Variants in PCDHA8 observed in about 807,000 individuals in gnomAD.
PCDHA8 encodes protocadherin alpha 8.
A neutral mutation model predicts 61.8 loss-of-function variants in PCDHA8; 53 were observed. The observed-to-expected ratio is 0.86, with a 90% CI of 0.69 to 1.08. PCDHA8 has a LOEUF of 1.08. Ranked by LOEUF, PCDHA8 falls within the 50% of genes least tolerant of loss-of-function variation. PCDHA8 has a pLI of 0.00. For missense variants in PCDHA8, 1,293 were observed against 1,245.0 expected, an observed-to-expected ratio of 1.04 and a Z score of -0.58; for synonymous variants, 618 against 556.6, an observed-to-expected ratio of 1.11 and a Z score of -1.55.
At chr5:140,854,039 C>G (rs1301679696) in intron 1 of PCDHA8, 1 of 287,104 alleles carries the variant, frequency 3.5e-6, no homozygotes, top group Admixed American at 6.8e-5. Context: ...GCACACATCT[C>G]TAGTCCCAAT....
At chr5:140,967,976 C>G in intron 1 of PCDHA8, 14 of 1,614,222 alleles carry the variant, frequency 8.7e-6, no homozygotes, top group Non-Finnish European at 1.2e-5. Context: ...GAGCCTGGGT[C>G]TGGAGGCCAC....
At chr5:140,929,362 G>A (rs781830495) in intron 1 of PCDHA8, 13 of 1,520,234 alleles carry the variant, frequency 8.6e-6, no homozygotes, top group Middle Eastern at 1.8e-4. Flanking sequence ...CCTTTGGCCC[G>A]GAGATGGCTG....
chr5:140,850,473 A>T lies in PCDHA8; in HGVS notation c.2394+6758A>T, dbSNP rs1320071862. 8.8e-6 allele frequency: 14 copies of T among 1,597,572 alleles called. 1 individual carries two copies. The highest frequency in any genetic ancestry group is 1.2e-5 in the Non-Finnish European group (14 of 1,167,568). On this transcript the variant is annotated intron_variant, in intron 1 of 3. Transcript: ENST00000531613. ...GAAAGACCACGGGGAGCCAGCGCTGACGGCCACGGCCACTGTGCTGGTGTC... is the reference window on the plus strand; with the variant it reads ...GAAAGACCACGGGGAGCCAGCGCTGTCGGCCACGGCCACTGTGCTGGTGTC...
intron 1 of PCDHA8, among the ~76,000 whole-genome samples, chr5:140,951,495 G>A (rs1554219919): frequency 1.3e-5 from 2 of 151,958 alleles, no homozygotes; most frequent in African/African-American, 4.8e-5. Context: ...ATGGTGGAAG[G>A]CAAAAGGAAA....
intron 1 of PCDHA8, among the ~76,000 whole-genome samples, chr5:140,973,323 A>G (rs1331752602): frequency 1.3e-5 from 2 of 152,160 alleles, no homozygotes; most frequent in African/African-American, 4.8e-5. Flanking sequence ...AACAGAGTTT[A>G]CACTCGTTGT....
At chr5:140,843,775 A>T (rs2150366589) in intron 1 of PCDHA8, 60 bp downstream of exon 1, 2 of 1,450,698 alleles carry the variant, frequency 1.4e-6, no homozygotes, top group East Asian at 4.6e-5. Context: ...AGTTACTTTA[A>T]AAGTGTTTCA....
chr5:140,978,829 T>A (rs2096825254), intron 1 of PCDHA8, 120 bp from the exon 2 acceptor site: 2 of 1,533,852 alleles, frequency 1.3e-6, no homozygotes, highest in Admixed American at 2.0e-5. Flanking sequence ...ATGAAATGGC[T>A]CATTCAATAC....
In PCDHA8 at chr5:140,876,882, G is replaced by A. The variant is rs377092859; in HGVS notation, c.2394+33167G>A. The A allele has an allele frequency of 3.2e-5, 52 of 1,614,140 alleles. 1 individual carries two copies. The African/African-American group carries it at 4.3e-4, about 13-fold the overall frequency. On this transcript the variant is annotated intron_variant, in intron 1 of 3. Transcript: ENST00000531613. ...TGTTCGTGAAGGAGAACAACCCGCC[G>A]GGCTGCCACATCTTCACGGTGTCGG...
intron 1 of PCDHA8, among the ~76,000 whole-genome samples, chr5:140,907,480 C>A (rs1300090409): frequency 6.6e-6 from 1 of 152,212 alleles, no homozygotes; most frequent in Admixed American, 6.5e-5. Flanking sequence ...GCAGGATAGG[C>A]AAACCCATAT....
intron 3 of PCDHA8, among the ~76,000 whole-genome samples, chr5:140,996,991 T>C (rs191353108): frequency 1.6e-4 from 25 of 152,346 alleles, no homozygotes; most frequent in African/African-American, 5.3e-4. Flanking sequence ...GCAACCACTG[T>C]TAACAATTTT....
intron 1 of PCDHA8, among the ~76,000 whole-genome samples, chr5:140,916,805 A>G (rs560427769): frequency 6.6e-6 from 1 of 152,152 alleles, no homozygotes; most frequent in Non-Finnish European, 1.5e-5. Context: ...ATGACTTCCT[A>G]GGTCATGTGC....
At chr5:140,892,260 T>C (rs2063449120) in intron 1 of PCDHA8, among the ~76,000 whole-genome samples, 1 of 152,218 alleles carries the variant, frequency 6.6e-6, no homozygotes, top group East Asian at 1.9e-4. Flanking sequence ...TCTTTGATTT[T>C]GTGCTGAAAG....
chr5:140,980,657 A>G (rs553240428), intron 2 of PCDHA8, among the ~76,000 whole-genome samples: 2 of 151,966 alleles, frequency 1.3e-5, no homozygotes, highest in Non-Finnish European at 2.9e-5. Context: ...ATAAAATAAC[A>G]TAACTTCCTT....
At chr5:140,918,432 T>C (rs1462854272) in intron 1 of PCDHA8, among the ~76,000 whole-genome samples, 2 of 152,204 alleles carry the variant, frequency 1.3e-5, no homozygotes, top group Non-Finnish European at 2.9e-5. Context: ...GGATGTTGAA[T>C]AGGAGTGGTG....
At chr5:140,968,349 G>A (rs1554230631) in intron 1 of PCDHA8, 2 of 1,614,128 alleles carry the variant, frequency 1.2e-6, no homozygotes, top group Admixed American at 3.3e-5. Context: ...AACAGTGCCA[G>A]TGGCAGCCTT....
In PCDHA8 at chr5:140,876,702, C is replaced by A. The variant is rs1554168805; in HGVS notation, c.2394+32987C>A. 6.2e-7 allele frequency: 1 copy of A among 1,614,242 alleles called. No homozygotes were observed. Among genetic ancestry groups the A allele is most frequent in the Admixed American group, 1.7e-5 (1 of 60,028 alleles). The stretch of plus-strand genomic sequence containing the variant: ...AGAATTACTACTCGTTGGTGCTGGA[C>A]AGCGCCCTGGACCGCGAGAGCGTGT... On this transcript the variant is annotated intron_variant, in intron 1 of 3. Coordinates refer to ENST00000531613, the MANE Select transcript of PCDHA8 (RefSeq NM_018911.3).
chr5:140,937,039 C>CTTTTT, intron 1 of PCDHA8, among the ~76,000 whole-genome samples: 1 of 140,166 alleles, frequency 7.1e-6, no homozygotes, highest in Non-Finnish European at 1.5e-5. Flanking sequence ...TTCCATTTAT[C>CTTTTT]TTTTTTTTTT....
rs185767188 is a variant in PCDHA8 at position 140,858,268 on chromosome 5, T to C, written c.2394+14553T>C. On this transcript the variant is annotated intron_variant, in intron 1 of 3. Transcript: ENST00000531613. ...CGGTGAAGCCCACGCTGGTGTGCTC[T>C]AGCGCGGTGGGGAGCTGGTCTTACT... The C allele has an allele frequency of 2.5e-3, 4,023 of 1,597,108 alleles. 314 individuals carry two copies. Among genetic ancestry groups the C allele is most frequent in the Middle Eastern group, 0.01 (61 of 5,954 alleles).
At chr5:140,877,637 G>C in intron 1 of PCDHA8, 1 of 1,613,638 alleles carries the variant, frequency 6.2e-7, no homozygotes, top group South Asian at 1.1e-5. Context: ...ACTGCGCTGC[G>C]TTGCTCAGCG....
Sources: allele counts gnomAD v4.1 joint callset (sites outside exome capture counted in the v4.1 genomes callset), GRCh38; gene constraint gnomAD v4.1.1; transcripts MANE v1.5; gene names NCBI Gene and HGNC (gene_info 2026-07-23, HGNC 2026-07-21).